The following KAZN variants were observed in gnomAD, a reference collection of about 807,000 sequenced individuals.
The protein encoded by KAZN is kazrin.
Under a neutral mutation model 87.4 loss-of-function variants are expected in KAZN, and 40 were observed. The observed-to-expected ratio is 0.46, with a 90% CI of 0.36 to 0.60. The LOEUF (loss-of-function observed/expected upper bound fraction) is 0.60. Among genes scored for constraint, KAZN ranks in the 20% least tolerant of loss-of-function variants. The probability of loss-of-function intolerance (pLI) is 0.00; values close to 1 mark genes in which losing one functional copy is unlikely to be tolerated. For missense variants in KAZN, 898 were observed against 1,073.9 expected (o/e 0.84, Z 2.29); for synonymous variants, 466 against 458.3 (o/e 1.02, Z -0.22).
intron 1 of KAZN, among the ~76,000 whole-genome samples, chr1:14,167,582 G>A (rs1003534179): frequency 1.3e-5 from 2 of 152,120 alleles, no homozygotes; most frequent in African/African-American, 2.4e-5. Context: ...CATTAGCCAG[G>A]CATCGTGGCA....
At chr1:14,670,296 G>C (rs1030114996) in intron 1 of KAZN, among the ~76,000 whole-genome samples, 1 of 152,140 alleles carries the variant, frequency 6.6e-6, no homozygotes, top group Admixed American at 6.5e-5. Context: ...CTAGTCAAAG[G>C]CAGGGGTATT....
At chr1:14,739,339 T>G (rs577384872) in intron 1 of KAZN, among the ~76,000 whole-genome samples, 1 of 152,258 alleles carries the variant, frequency 6.6e-6, no homozygotes, top group East Asian at 1.9e-4. Flanking sequence ...TTGGAGTGGA[T>G]GGCCTCTGGC....
intron 1 of KAZN, among the ~76,000 whole-genome samples, chr1:14,018,785 G>A (rs930372324): frequency 6.6e-6 from 1 of 152,142 alleles, no homozygotes; most frequent in African/African-American, 2.4e-5. Flanking sequence ...TGGACTGCAG[G>A]ACTTACACCA....
chr1:14,039,206 A>T (rs1420068436), intron 1 of KAZN, among the ~76,000 whole-genome samples: 2 of 151,454 alleles, frequency 1.3e-5, no homozygotes, highest in Non-Finnish European at 2.9e-5. Flanking sequence ...TTAAAGTAAT[A>T]GCTATTTGAG....
rs1015383203 is a variant in KAZN, at chr1:15,021,656, T to C, written c.419-13093T>C. Among the ~76,000 whole-genome samples, 3 of 152,132 alleles carry C rather than the reference T, an allele frequency of 2.0e-5. No homozygotes were observed. Among genetic ancestry groups the C allele is most frequent in the Non-Finnish European group, 2.9e-5 (2 of 67,996 alleles). On this transcript the variant is annotated intron_variant, in intron 2 of 14. Transcript: ENST00000376030. The surrounding 1 kb of genome is among the most constrained non-coding windows in gnomAD (Gnocchi z 4.2). ...TGAGCCGGGGTGGTGGCAGGGACAG[T>C]GTGCCCTGCGTGCAGTTAGCACCCT...
intron 1 of KAZN, among the ~76,000 whole-genome samples, chr1:13,982,987 G>GC (rs1553181386): frequency 6.6e-6 from 1 of 150,854 alleles, no homozygotes; most frequent in Admixed American, 6.6e-5. Context: ...GCTGATTGGT[G>GC]GGTTTACAAA....
chr1:14,558,564 AGTCATGTTC>A (rs1282287701), intron 2 of KAZN, among the ~76,000 whole-genome samples: 6 of 152,146 alleles, frequency 3.9e-5, no homozygotes, highest in Admixed American at 3.9e-4. Flanking sequence ...TTGAACATAG[AGTCATGTTC>A]TGTTTCTTGG....
intron 1 of KAZN, among the ~76,000 whole-genome samples, chr1:14,899,661 T>C (rs1655642110): frequency 6.6e-6 from 1 of 152,004 alleles, no homozygotes; most frequent in South Asian, 2.1e-4. Flanking sequence ...AAATCTTTCC[T>C]CTCCTGTCCA....
intron 1 of KAZN, among the ~76,000 whole-genome samples, chr1:14,050,578 G>A (rs726596): frequency 0.95 from 143,906 of 152,244 alleles, 68,145 homozygotes; most frequent in African/African-American, 0.99. Flanking sequence ...ACTCACTCTC[G>A]TGAGAACAGC....
chr1:14,072,921 A>G (rs1341252098), intron 1 of KAZN, among the ~76,000 whole-genome samples: 1 of 152,204 alleles, frequency 6.6e-6, no homozygotes, highest in Non-Finnish European at 1.5e-5. Context: ...CACTGAGAAA[A>G]AATTGTAGAT....
At chr1:14,643,763 A>G (rs1190963293) in intron 1 of KAZN, among the ~76,000 whole-genome samples, 1 of 152,194 alleles carries the variant, frequency 6.6e-6, no homozygotes, top group Non-Finnish European at 1.5e-5. Context: ...CAATGGTTGA[A>G]CTAATTTTAC....
At chr1:14,890,976 T>A (rs1654650153) in intron 1 of KAZN, among the ~76,000 whole-genome samples, 1 of 151,496 alleles carries the variant, frequency 6.6e-6, no homozygotes, top group African/African-American at 2.4e-5. Flanking sequence ...CCAGAGTAGC[T>A]GGGACTACAG....
At chr1:14,872,518 G>A (rs1652253784) in intron 1 of KAZN, among the ~76,000 whole-genome samples, 1 of 152,228 alleles carries the variant, frequency 6.6e-6, no homozygotes, top group Non-Finnish European at 1.5e-5. Flanking sequence ...TGCTATAAGG[G>A]AATATTCATT....
intron 2 of KAZN, chr1:14,350,899 A>G (rs897619023): frequency 6.6e-6 from 1 of 152,266 alleles, no homozygotes; most frequent in Non-Finnish European, 1.5e-5. Context: ...TCTCATGAAC[A>G]TTTGATGTCC....
intron 1 of KAZN, among the ~76,000 whole-genome samples, chr1:14,608,934 C>CT (rs201902696): frequency 0.02 from 3,112 of 152,030 alleles, 56 homozygotes; most frequent in Middle Eastern, 0.061. Context: ...AATGTCATCT[C>CT]TTTTTTTTAA....
intron 1 of KAZN, among the ~76,000 whole-genome samples, chr1:13,987,594 G>C (rs1187129847): frequency 1.3e-5 from 2 of 152,084 alleles, no homozygotes; most frequent in Non-Finnish European, 2.9e-5. Flanking sequence ...CCAAGATCAA[G>C]GTGTTGGCAT....
chr1:14,795,191 T>C (rs1557497162), intron 1 of KAZN, among the ~76,000 whole-genome samples: 2 of 152,146 alleles, frequency 1.3e-5, no homozygotes, highest in Non-Finnish European at 2.9e-5. Context: ...AAGTCCGTTC[T>C]CCTAATAAGT....
In KAZN at chr1:15,094,512, A is replaced by G. The variant is rs1044605788; in HGVS notation, c.1428+127A>G. The G allele has an allele frequency of 3.5e-6, 3 of 858,688 alleles. No homozygotes were observed. Among genetic ancestry groups the G allele is most frequent in the Non-Finnish European group, 5.4e-6 (3 of 553,558 alleles). 53.2% of individuals were successfully genotyped at this position (858,688 alleles called of 1,614,324 possible). On this transcript the variant is annotated intron_variant, in intron 9 of 14. Transcript: ENST00000376030. The surrounding 1 kb of genome is among the most constrained non-coding windows in gnomAD (Gnocchi z 4.5). ...GAAGGTGCAATCTAGGAGCTAGCCA[A>G]TGCAATCAGCCTCTGATGTACCTGC...
At chr1:14,272,962 A>G (rs2100688448) in intron 2 of KAZN, among the ~76,000 whole-genome samples, 1 of 152,286 alleles carries the variant, frequency 6.6e-6, no homozygotes, top group South Asian at 2.1e-4. Context: ...CTGTGAGAGG[A>G]ATAAGAGATC....
Sources: gnomAD v4.1 joint callset for allele counts (sites outside exome capture counted in the v4.1 genomes callset) on GRCh38, gnomAD v4.1.1 for gene constraint, Gnocchi (gnomAD v3.1) non-coding constraint, MANE v1.5 for transcripts, NCBI Gene and HGNC (gene_info 2026-07-23, HGNC 2026-07-21) for gene names.